WFDC5: variants seen among roughly 807,000 people sequenced by gnomAD.
WFDC5 encodes WAP four-disulfide core domain protein 5.
WFDC5 carries 15 observed loss-of-function variants against 15.7 expected under a neutral mutation model. The ratio of observed to expected loss-of-function variants is 0.96; its 90% confidence interval spans 0.64 to 1.47. WFDC5 has a LOEUF of 1.47. WFDC5 is among the 40% of genes most tolerant of loss of function. The probability of loss-of-function intolerance (pLI) is 0.00; values close to 1 mark genes in which losing one functional copy is unlikely to be tolerated. For synonymous variants in WFDC5, 109 were observed against 107.7 expected, an observed-to-expected ratio of 1.01 and a Z score of -0.07; for missense variants, 280 against 258.0, an observed-to-expected ratio of 1.09 and a Z score of -0.59.
chr20:45,110,409 G>C (rs774988320), exon 3 of WFDC5: 1 of 1,604,300 alleles, frequency 6.2e-7, no homozygotes, highest in East Asian at 2.2e-5. Context: ...CCTCTGGCAG[G>C]ATCCCGGCAA....
At chr20:45,116,231 A>G (rs1202030893), upstream of WFDC5, among the ~76,000 whole-genome samples, 1 of 152,118 alleles carries the variant, frequency 6.6e-6, no homozygotes, top group East Asian at 1.9e-4. Context: ...TTTAATGTGA[A>G]TCTCTCGTGC....
intron 1 of WFDC5, 125 bp downstream of exon 1, chr20:45,114,874 C>T (rs960315984): frequency 2.1e-5 from 20 of 948,068 alleles, no homozygotes; most frequent in East Asian, 5.2e-5. Flanking sequence ...CACACACGCA[C>T]GCACGCACAC....
At chr20:45,114,971 C>G in intron 1 of WFDC5, 28 bp downstream of exon 1, 1 of 1,610,450 alleles carries the variant, frequency 6.2e-7, no homozygotes, top group Non-Finnish European at 8.5e-7. Context: ...AATCTGGTCC[C>G]CCCAGCAGAG....
At chr20:45,115,201 G>A (rs1345372503), upstream of WFDC5, 7 of 913,400 alleles carry the variant, frequency 7.7e-6, no homozygotes, top group Admixed American at 1.3e-4. Context: ...CACCGTGCCT[G>A]CTTCATCTTG....
intron 1 of WFDC5, among the ~76,000 whole-genome samples, chr20:45,112,394 G>T (rs1318539459): frequency 6.6e-6 from 1 of 152,204 alleles, no homozygotes; most frequent in Admixed American, 6.5e-5. Context: ...ATGACAGCTG[G>T]CATTTCCAGT....
intron 1 of WFDC5, among the ~76,000 whole-genome samples, chr20:45,114,435 C>T (rs1981702665): frequency 6.6e-6 from 1 of 152,054 alleles, no homozygotes; most frequent in African/African-American, 2.4e-5. Flanking sequence ...CCCACAAAGC[C>T]CAGATCCCAG....
At chr20:45,111,587 G>A (rs1030247636) in intron 1 of WFDC5, among the ~76,000 whole-genome samples, 3 of 152,212 alleles carry the variant, frequency 2.0e-5, no homozygotes, top group African/African-American at 7.2e-5. Flanking sequence ...GTTGCAAATG[G>A]CATGGTTTCG....
At chr20:45,115,849 C>T (rs1485714555), upstream of WFDC5, among the ~76,000 whole-genome samples, 5 of 152,144 alleles carry the variant, frequency 3.3e-5, no homozygotes, top group South Asian at 2.1e-4. Flanking sequence ...TCCAGGGACC[C>T]CCACCTTAGA....
intron 1 of WFDC5, 100 bp downstream of exon 1, chr20:45,114,875 GCACGCACACACACACGCGCACACA>G: frequency 1.1e-6 from 1 of 942,256 alleles, no homozygotes; most frequent in East Asian, 2.6e-5. Context: ...ACACACGCAC[GCACGCACACACACACGCGCACACA>G]CACCCCACAG....
At chr20:45,115,117 C>T (rs1420119445) in exon 1 of WFDC5, 2 of 1,598,582 alleles carry the variant, frequency 1.3e-6, no homozygotes, top group East Asian at 4.5e-5. Flanking sequence ...CAGGGCCCCC[C>T]AGATTAACAC....
chr20:45,110,433 C>A (rs769953124), exon 3 of WFDC5: 1 of 1,611,696 alleles, frequency 6.2e-7, no homozygotes. Flanking sequence ...CGCCCGCAGG[C>A]GCTGTGGCAG....
upstream of WFDC5, among the ~76,000 whole-genome samples, chr20:45,115,977 T>C (rs1981750258): frequency 6.6e-6 from 1 of 152,174 alleles, no homozygotes; most frequent in South Asian, 2.1e-4. Context: ...AGCCTTCTCA[T>C]TTGAAAGACG....
intron 1 of WFDC5, among the ~76,000 whole-genome samples, chr20:45,111,279 CG>C (rs1981610774): frequency 8.5e-6 from 1 of 116,980 alleles, no homozygotes; most frequent in African/African-American, 3.5e-5. Context: ...ACTAGGTCAG[CG>C]CCCCCCCACC....
upstream of WFDC5, among the ~76,000 whole-genome samples, chr20:45,116,015 G>C (rs1466048319): frequency 6.6e-6 from 1 of 152,166 alleles, no homozygotes. Context: ...AGATGAGAGG[G>C]GACTGGCCCA....
intron 1 of WFDC5, among the ~76,000 whole-genome samples, chr20:45,113,526 C>T (rs982509778): frequency 1.3e-5 from 2 of 152,208 alleles, no homozygotes; most frequent in East Asian, 1.9e-4. Flanking sequence ...CCCCAAATCA[C>T]CCACTTATGC....
chr20:45,110,696 AC>A lies in WFDC5; in HGVS notation c.164del (p.Cys55PhefsTer3), dbSNP rs1201939880. On this transcript the variant is annotated frameshift_variant, in exon 2 of 4. Coordinates refer to ENST00000307971, the Ensembl canonical transcript of WFDC5. LOFTEE classifies it high-confidence loss of function. ...TGTAGCAGCACTTCCTGGTCAAGGG[AC>A]ACTGGCTGTCTTCCACGCACTGGTC... The A allele has an allele frequency of 6.2e-7, 1 of 1,614,150 alleles. No individual in the cohort carries two copies. The highest frequency in any genetic ancestry group is 1.7e-5 in the Admixed American group (1 of 60,022).
chr20:45,110,269 GT>G, intron 3 of WFDC5, 130 bp downstream of exon 3: 1 of 1,458,390 alleles, frequency 6.9e-7, no homozygotes, highest in Admixed American at 2.1e-5. Flanking sequence ...CCCCTATCCA[GT>G]TTCCTAATCC....
intron 1 of WFDC5, among the ~76,000 whole-genome samples, chr20:45,113,515 C>A (rs951137922): frequency 1.3e-5 from 2 of 152,200 alleles, no homozygotes; most frequent in African/African-American, 4.8e-5. Context: ...CACAATGACT[C>A]CCCCAAATCA....
At chr20:45,111,499 G>T (rs1467539487) in intron 1 of WFDC5, among the ~76,000 whole-genome samples, 1 of 152,192 alleles carries the variant, frequency 6.6e-6, no homozygotes, top group Non-Finnish European at 1.5e-5. Context: ...AGCATTGCAC[G>T]TGCGTCAGCA....
Sources: gnomAD v4.1 joint callset for allele counts (sites outside exome capture counted in the v4.1 genomes callset) on GRCh38, gnomAD v4.1.1 for gene constraint, MANE v1.5 for transcripts, NCBI Gene and HGNC (gene_info 2026-07-23, HGNC 2026-07-21) for gene names.